The following ROBO2 variants were observed in gnomAD, a reference collection of about 807,000 sequenced individuals.
ROBO2 encodes the protein roundabout homolog 2.
In ROBO2, 53 loss-of-function variants were observed where a neutral mutation model predicts 160.8. That is an observed-to-expected ratio of 0.33 (90% CI 0.26 to 0.41). The LOEUF is 0.41. Among genes scored for constraint, ROBO2 ranks in the 10% least tolerant of loss-of-function variants. The probability of loss-of-function intolerance (pLI) is 1.00; values close to 1 mark genes in which losing one functional copy is unlikely to be tolerated. For missense variants in ROBO2, 1,577 were observed against 1,722.4 expected, an observed-to-expected ratio of 0.92 and a Z score of 1.49; for synonymous variants, 664 against 611.7, an observed-to-expected ratio of 1.09 and a Z score of -1.26.
chr3:76,177,129 A>G (rs528432887), intron 2 of ROBO2, among the ~76,000 whole-genome samples: 29 of 152,266 alleles, frequency 1.9e-4, no homozygotes, highest in African/African-American at 7.0e-4. Flanking sequence ...ATTCTCACTC[A>G]TTGCCATTTT....
intron 2 of ROBO2, among the ~76,000 whole-genome samples, chr3:76,601,702 G>A (rs537161233): frequency 6.5e-4 from 99 of 152,322 alleles, no homozygotes; most frequent in African/African-American, 2.3e-3. Flanking sequence ...GCCTGTGATT[G>A]AAGGGGTTGC....
chr3:76,695,900 G>A (rs1013434006), intron 2 of ROBO2, among the ~76,000 whole-genome samples: 1 of 152,150 alleles, frequency 6.6e-6, no homozygotes, highest in Non-Finnish European at 1.5e-5. Context: ...CCAGGCAGTA[G>A]TGCACATTTG....
intron 2 of ROBO2, among the ~76,000 whole-genome samples, chr3:76,557,285 T>C (rs2083854485): frequency 6.6e-6 from 1 of 152,092 alleles, no homozygotes; most frequent in Non-Finnish European, 1.5e-5. Context: ...TTATGGTTTA[T>C]AGTGGACATA....
At chr3:76,256,856 G>C (rs1706425117) in intron 2 of ROBO2, among the ~76,000 whole-genome samples, 1 of 151,982 alleles carries the variant, frequency 6.6e-6, no homozygotes, top group Non-Finnish European at 1.5e-5. Context: ...AGACCTCAGG[G>C]AGCTTTTACT....
At chr3:76,817,742 G>A (rs1032646224) in intron 2 of ROBO2, among the ~76,000 whole-genome samples, 9 of 151,210 alleles carry the variant, frequency 6.0e-5, no homozygotes, top group African/African-American at 1.7e-4. Context: ...GAGAACATAC[G>A]ACATTTGGTT....
At chr3:77,041,793 G>T (rs888761822) in intron 1 of ROBO2, among the ~76,000 whole-genome samples, 9 of 152,106 alleles carry the variant, frequency 5.9e-5, no homozygotes, top group African/African-American at 2.2e-4. Flanking sequence ...GTATAAGGGA[G>T]TACTAGATAT....
chr3:77,563,027 T>G, intron 10 of ROBO2, 140 bp from the exon 12 acceptor site: 1 of 763,842 alleles, frequency 1.3e-6, no homozygotes, highest in Non-Finnish European at 2.2e-6. Context: ...GAAGCAAACA[T>G]TCACTTACAT....
chr3:77,362,212 C>A (rs2070122692), intron 2 of ROBO2, among the ~76,000 whole-genome samples: 1 of 151,944 alleles, frequency 6.6e-6, no homozygotes, highest in South Asian at 2.1e-4. Context: ...TTAGTCAGGT[C>A]TATTGCAATA....
At chr3:77,583,384 C>T (rs542423641) in intron 16 of ROBO2, among the ~76,000 whole-genome samples, 177 of 151,800 alleles carry the variant, frequency 1.2e-3, no homozygotes, top group Non-Finnish European at 2.2e-3. Context: ...ACATATTTTG[C>T]CTAGTCTTCT....
chr3:76,961,247 GAA>G (rs371889909), intron 2 of ROBO2, among the ~76,000 whole-genome samples: 523 of 54,412 alleles, frequency 9.6e-3, no homozygotes, highest in Middle Eastern at 0.071. Context: ...GTGCCACAGA[GAA>G]AAAAAAAAAA....
intron 2 of ROBO2, among the ~76,000 whole-genome samples, chr3:77,441,868 T>G (rs2079951763): frequency 6.6e-6 from 1 of 152,314 alleles, no homozygotes; most frequent in Admixed American, 6.5e-5. Context: ...ATGGTCATTT[T>G]TTGCTGATGC....
chr3:76,507,538 CT>C (rs2080859515), intron 2 of ROBO2, among the ~76,000 whole-genome samples: 1 of 151,930 alleles, frequency 6.6e-6, no homozygotes, highest in Non-Finnish European at 1.5e-5. Flanking sequence ...CAGAGAATGC[CT>C]CTTCATTCTA....
chr3:77,198,926 G>GAAAAAAT (rs1223817375), intron 2 of ROBO2, among the ~76,000 whole-genome samples: 1 of 151,956 alleles, frequency 6.6e-6, no homozygotes, highest in Non-Finnish European at 1.5e-5. Flanking sequence ...AAAGAAAAAA[G>GAAAAAAT]AAAGACATTT....
At chr3:76,680,137 T>A (rs1218963083) in intron 2 of ROBO2, among the ~76,000 whole-genome samples, 1 of 152,118 alleles carries the variant, frequency 6.6e-6, no homozygotes, top group Non-Finnish European at 1.5e-5. Flanking sequence ...AACCTCAAAT[T>A]CTTTACGTGA....
At chr3:76,846,641 T>C (rs2068799109) in intron 2 of ROBO2, among the ~76,000 whole-genome samples, 2 of 152,186 alleles carry the variant, frequency 1.3e-5, no homozygotes, top group Admixed American at 6.5e-5. Context: ...TCTTCTTTTA[T>C]TTTTACCGAT....
intron 2 of ROBO2, among the ~76,000 whole-genome samples, chr3:76,552,004 G>A (rs2083451926): frequency 6.6e-6 from 1 of 152,128 alleles, no homozygotes; most frequent in African/African-American, 2.4e-5. Context: ...GCAGGTGCGA[G>A]CAATACTCAA....
intron 2 of ROBO2, among the ~76,000 whole-genome samples, chr3:76,536,341 A>G (rs190562998): frequency 6.6e-6 from 1 of 152,264 alleles, no homozygotes; most frequent in East Asian, 1.9e-4. Context: ...CCAATTTGTG[A>G]AGCTTTTTTC....
chr3:77,428,339 ATTTT>A (rs59725522), intron 2 of ROBO2, among the ~76,000 whole-genome samples: 2 of 105,570 alleles, frequency 1.9e-5, no homozygotes, highest in African/African-American at 4.2e-5. Flanking sequence ...CTTAGGTAAT[ATTTT>A]TTTTTTTTTT....
chr3:76,824,856 G>A (rs1193609945), intron 2 of ROBO2, among the ~76,000 whole-genome samples: 1 of 152,120 alleles, frequency 6.6e-6, no homozygotes, highest in Non-Finnish European at 1.5e-5. Flanking sequence ...AGACTTCGTT[G>A]GAGAAGCTGT....
Sources: allele counts gnomAD v4.1 joint callset (sites outside exome capture counted in the v4.1 genomes callset), GRCh38; gene constraint gnomAD v4.1.1; transcripts MANE v1.5; gene names NCBI Gene and HGNC (gene_info 2026-07-23, HGNC 2026-07-21).